ACTR3C: variants seen among roughly 807,000 people sequenced by gnomAD.
ACTR3C encodes actin-related protein 3C.
In ACTR3C, 18 loss-of-function variants were observed where a neutral mutation model predicts 26.3. The observed-to-expected ratio is 0.68, with a 90% CI of 0.47 to 1.01. ACTR3C has a LOEUF of 1.01. ACTR3C is among the 50% of genes least tolerant of loss of function. The probability of loss-of-function intolerance (pLI) is 0.00; values close to 1 mark genes in which losing one functional copy is unlikely to be tolerated. For synonymous variants in ACTR3C, 55 were observed against 94.5 expected (o/e 0.58, Z 2.42); for missense variants, 184 against 250.7 (o/e 0.73, Z 1.80).
chr7:150,285,310 T>C (rs1369543630), intron 5 of ACTR3C, among the ~76,000 whole-genome samples: 1 of 152,212 alleles, frequency 6.6e-6, no homozygotes, highest in Admixed American at 6.5e-5. Flanking sequence ...GTGTTTTGTT[T>C]AATGAGAAGG....
At chr7:150,035,478 A>C in the ACTR3C span, among the ~76,000 whole-genome samples, 9 of 105,738 alleles carry the variant, frequency 8.5e-5, 1 homozygote, top group Non-Finnish European at 1.2e-4. Context: ...TGGGGGTAGT[A>C]ACAGCCAGGG....
chr7:150,038,917 C>G, the ACTR3C span, among the ~76,000 whole-genome samples: 34 of 100,584 alleles, frequency 3.4e-4, 2 homozygotes, highest in Admixed American at 2.1e-3. Flanking sequence ...GTACTAACAG[C>G]CAGGGGTGGA....
At chr7:149,902,935 CA>C in the ACTR3C span, among the ~76,000 whole-genome samples, 72 of 10,348 alleles carry the variant, frequency 7.0e-3, 5 homozygotes, top group African/African-American at 8.9e-3. Flanking sequence ...TACAGTGTCT[CA>C]AAAAAAAAAA....
At chr7:150,171,557 G>A in the ACTR3C span, among the ~76,000 whole-genome samples, 8 of 144,184 alleles carry the variant, frequency 5.5e-5, no homozygotes. Flanking sequence ...CAACATTTTG[G>A]TTTCCATCTT....
chr7:149,941,663 G>A, the ACTR3C span, among the ~76,000 whole-genome samples: 1 of 152,198 alleles, frequency 6.6e-6, no homozygotes, highest in Admixed American at 6.5e-5. Context: ...GTGGGGACAA[G>A]GTTCTAAACC....
chr7:150,049,182 G>A, the ACTR3C span, among the ~76,000 whole-genome samples: 50,287 of 146,914 alleles, frequency 0.34, 6,556 homozygotes, highest in East Asian at 0.49. Context: ...CCGCTCCTCC[G>A]CTCCAGGCCC....
intron 1 of ACTR3C, among the ~76,000 whole-genome samples, chr7:150,320,836 G>C (rs1797439448): frequency 6.6e-6 from 1 of 152,216 alleles, no homozygotes; most frequent in African/African-American, 2.4e-5. Context: ...TTGTGATCAA[G>C]AGTGCTGACT....
chr7:150,229,525 C>T, the ACTR3C span, among the ~76,000 whole-genome samples: 1 of 151,886 alleles, frequency 6.6e-6, no homozygotes, highest in Non-Finnish European at 1.5e-5. Flanking sequence ...CACTCTGTCA[C>T]CCAGGCTGGA....
the ACTR3C span, among the ~76,000 whole-genome samples, chr7:150,035,980 G>GCCATCACAAAATGGGGGGCCTTTATGT: frequency 2.6e-5 from 3 of 115,320 alleles, no homozygotes; most frequent in East Asian, 2.3e-4. Context: ...CTGGCTCTCA[G>GCCATCACAAAATGGGGGGCCTTTATGT]TCCCTGCCTC....
At chr7:149,993,039 A>G in the ACTR3C span, among the ~76,000 whole-genome samples, 1 of 151,426 alleles carries the variant, frequency 6.6e-6, no homozygotes, top group Non-Finnish European at 1.5e-5. Flanking sequence ...AGCACAGGAT[A>G]AAGCAAGAAG....
chr7:149,992,384 G>A, the ACTR3C span, among the ~76,000 whole-genome samples: 1 of 152,220 alleles, frequency 6.6e-6, no homozygotes, highest in African/African-American at 2.4e-5. Context: ...CTTTGACAGA[G>A]TGTTGAAGGA....
chr7:150,226,736 C>A, the ACTR3C span, among the ~76,000 whole-genome samples: 2 of 152,124 alleles, frequency 1.3e-5, no homozygotes, highest in Non-Finnish European at 2.9e-5. Flanking sequence ...CCAGGCCCCG[C>A]CTCATTGCCG....
chr7:149,980,087 G>A, the ACTR3C span, among the ~76,000 whole-genome samples: 1 of 152,040 alleles, frequency 6.6e-6, no homozygotes, highest in Non-Finnish European at 1.5e-5. Context: ...GACTAATTGA[G>A]GTATCTGATT....
At chr7:150,009,527 C>A in the ACTR3C span, among the ~76,000 whole-genome samples, 2 of 152,224 alleles carry the variant, frequency 1.3e-5, no homozygotes, top group Admixed American at 1.3e-4. Flanking sequence ...AATGCAGTAG[C>A]TTTGGGTAAT....
intron 6 of ACTR3C, among the ~76,000 whole-genome samples, chr7:150,253,583 C>T (rs1832998546): frequency 6.6e-6 from 1 of 151,974 alleles, no homozygotes. Context: ...TATTGTTTAG[C>T]TCTCAGAGGA....
chr7:150,194,300 C>T, the ACTR3C span, among the ~76,000 whole-genome samples: 3,041 of 141,610 alleles, frequency 0.021, 105 homozygotes, highest in African/African-American at 0.074. Flanking sequence ...AAAGTCTTTT[C>T]TTTTCTATGA....
chr7:149,954,765 T>C, the ACTR3C span, among the ~76,000 whole-genome samples: 1 of 152,250 alleles, frequency 6.6e-6, no homozygotes, highest in Admixed American at 6.5e-5. Context: ...TGGTCCTCTT[T>C]GTACTTTTCC....
chr7:150,038,259 GC>G, the ACTR3C span, among the ~76,000 whole-genome samples: 226 of 144,738 alleles, frequency 1.6e-3, 6 homozygotes, highest in East Asian at 0.019. Flanking sequence ...CCATCCTTTA[GC>G]AACCCTGTCT....
chr7:150,190,880 A>G, the ACTR3C span, among the ~76,000 whole-genome samples: 5 of 152,294 alleles, frequency 3.3e-5, no homozygotes, highest in African/African-American at 4.8e-5. Context: ...TGACGGCAGC[A>G]AGGAAACGTG....
Sources: allele counts gnomAD v4.1 joint callset (sites outside exome capture counted in the v4.1 genomes callset), GRCh38; gene constraint gnomAD v4.1.1; transcripts MANE v1.5; gene names NCBI Gene and HGNC (gene_info 2026-07-23, HGNC 2026-07-21).